Variants in NUP37 observed in about 807,000 individuals in gnomAD.
NUP37 encodes the protein nucleoporin 37.
NUP37 carries 33 observed loss-of-function variants against 45.4 expected under a neutral mutation model. The observed-to-expected ratio is 0.73, with a 90% CI of 0.55 to 0.97. The LOEUF (loss-of-function observed/expected upper bound fraction) is 0.97. Ranked by LOEUF, NUP37 falls within the 50% of genes least tolerant of loss-of-function variation. The pLI is 0.00. For missense variants in NUP37, 365 were observed against 389.7 expected (o/e 0.94, Z 0.53); for synonymous variants, 127 against 130.7 (o/e 0.97, Z 0.19).
At position 102,118,498 on chromosome 12, in the gene NUP37, T is replaced by G; in HGVS notation, c.21A>C (p.Arg7Ser). 1 of 1,609,366 alleles carries G rather than the reference T, an allele frequency of 6.2e-7. No homozygotes were observed. The highest frequency in any genetic ancestry group is 8.5e-7 in the Non-Finnish European group (1 of 1,178,978). ...CACAATCCACAGTGTAGGCAGCATT[T>G]CTTGAGGCATCTTGCTTCATCTTGT... MKQDAS[R>S]NAAYTVDCED... Residue 7 changes from arginine to serine, a missense_variant, in exon 2 of 10, where the codon AGA (arginine) becomes AGC (serine). Coordinates refer to ENST00000552283, the MANE Select transcript of NUP37 (RefSeq NM_024057.4).
chr12:102,093,262 G>T (rs543564973), intron 5 of NUP37, among the ~76,000 whole-genome samples: 1 of 152,026 alleles, frequency 6.6e-6, no homozygotes, highest in South Asian at 2.1e-4. Context: ...GAAGCTTTGG[G>T]GAGGATAAAA....
chr12:102,089,291 G>A (rs547002474), intron 5 of NUP37, among the ~76,000 whole-genome samples: 33 of 152,212 alleles, frequency 2.2e-4, no homozygotes, highest in Admixed American at 1.9e-3. Flanking sequence ...ACAGTGGCCA[G>A]GCAGAGGCGC....
intron 8 of NUP37, among the ~76,000 whole-genome samples, chr12:102,076,432 C>G (rs889351767): frequency 6.6e-6 from 1 of 152,166 alleles, no homozygotes; most frequent in Non-Finnish European, 1.5e-5. Flanking sequence ...GATATACTAT[C>G]TAGCATAGTT....
chr12:102,080,420 C>G (rs1256477250), intron 6 of NUP37, among the ~76,000 whole-genome samples: 2 of 151,940 alleles, frequency 1.3e-5, no homozygotes, highest in Non-Finnish European at 2.9e-5. Flanking sequence ...GACCCTGCCT[C>G]AAAAACAAAA....
intron 2 of NUP37, among the ~76,000 whole-genome samples, chr12:102,113,951 C>T (rs1401803264): frequency 1.3e-5 from 2 of 152,052 alleles, no homozygotes; most frequent in African/African-American, 2.4e-5. Context: ...ATTCAGATAC[C>T]CTTTGAAAAT....
Position 102,076,711 on chromosome 12 carries a change from A to G in NUP37, c.773+86T>C, listed in dbSNP as rs888767257. 63 of 1,111,030 alleles carry G rather than the reference A, an allele frequency of 5.7e-5. No individual in the cohort carries two copies. In the African/African-American group the frequency reaches 8.4e-4, roughly 15 times the overall value. 68.8% of individuals were successfully genotyped at this position (1,111,030 alleles called of 1,614,324 possible). On this transcript the variant is annotated intron_variant, in intron 8 of 9. Coordinates refer to ENST00000552283, the MANE Select transcript of NUP37 (RefSeq NM_024057.4). ...ATAAGGGAAAAAAAAAATCCAGTGCAAAGAAGAGAACTACAAAAGTATCCC... is the reference window on the plus strand; with the variant it reads ...ATAAGGGAAAAAAAAAATCCAGTGCGAAGAAGAGAACTACAAAAGTATCCC...
At chr12:102,102,018 C>T (rs1879986250) in intron 3 of NUP37, among the ~76,000 whole-genome samples, 1 of 152,198 alleles carries the variant, frequency 6.6e-6, no homozygotes, top group South Asian at 2.1e-4. Flanking sequence ...AGCCACTGCG[C>T]CTGGCCAACA....
At chr12:102,091,542 A>G (rs1033618063) in intron 5 of NUP37, among the ~76,000 whole-genome samples, 2 of 152,130 alleles carry the variant, frequency 1.3e-5, no homozygotes, top group Admixed American at 1.3e-4. Context: ...TATCAGGTTT[A>G]ATTACCTTGG....
At chr12:102,115,337 T>C (rs1195786131) in intron 2 of NUP37, among the ~76,000 whole-genome samples, 1 of 152,202 alleles carries the variant, frequency 6.6e-6, no homozygotes, top group Non-Finnish European at 1.5e-5. Flanking sequence ...GCTAGTTCTA[T>C]TTGATATGTG....
intron 5 of NUP37, among the ~76,000 whole-genome samples, chr12:102,089,797 G>A (rs1242445432): frequency 6.6e-6 from 1 of 152,166 alleles, no homozygotes; most frequent in Non-Finnish European, 1.5e-5. Context: ...TTTTCTTAAT[G>A]CCTTATACGG....
intron 3 of NUP37, among the ~76,000 whole-genome samples, chr12:102,106,087 T>C (rs560196093): frequency 1.1e-4 from 17 of 152,082 alleles, no homozygotes; most frequent in Non-Finnish European, 2.5e-4. Flanking sequence ...ATTGAAGTGA[T>C]GCATCAACAA....
At chr12:102,074,978 G>T in intron 9 of NUP37, 23 bp downstream of exon 9, 19 of 1,371,586 alleles carry the variant, frequency 1.4e-5, no homozygotes, top group Non-Finnish European at 1.8e-5. Flanking sequence ...AAGCACGTAT[G>T]TTACAAAACA....
intron 4 of NUP37, among the ~76,000 whole-genome samples, chr12:102,100,751 T>C (rs1045762725): frequency 2.6e-5 from 4 of 152,194 alleles, no homozygotes; most frequent in African/African-American, 9.7e-5. Flanking sequence ...TCCTACTATA[T>C]CCAACTGTAA....
intron 5 of NUP37, among the ~76,000 whole-genome samples, chr12:102,098,334 T>C (rs969615556): frequency 1.2e-4 from 19 of 152,246 alleles, no homozygotes; most frequent in African/African-American, 3.9e-4. Context: ...TTAAATGTAT[T>C]GTATCTAAAG....
rs1260754195 is a variant in NUP37 at position 102,114,440 on chromosome 12, G to A, written c.157-2208C>T. Among the ~76,000 whole-genome samples, 3 of 152,274 alleles carry A rather than the reference G, an allele frequency of 2.0e-5. No individual in the cohort carries two copies. The East Asian group carries it at 5.8e-4, about 29-fold the overall frequency. Reference sequence around the variant, plus strand: ...TGTTTGCCACTGAGCCAACTAAAAGGCCCGTGTGTGTGTGTGGTATAGGCA... The same window carrying A: ...TGTTTGCCACTGAGCCAACTAAAAGACCCGTGTGTGTGTGTGGTATAGGCA... On this transcript the variant is annotated intron_variant, in intron 2 of 9. Coordinates refer to ENST00000552283, the MANE Select transcript of NUP37 (RefSeq NM_024057.4).
chr12:102,101,051 T>A lies in NUP37; in HGVS notation c.335A>T (p.Gln112Leu). Residue 112 changes from glutamine (Q) to leucine (L), a missense_variant, in exon 4 of 10, where the codon CAG becomes CTG. Transcript: ENST00000552283. ...MKIRLFTSDL[Q>L]DKNEYKVLEG... ...ACATACCTTATATTCATTTTTATCC[T>A]GAAGATCTGAAGTAAATAATCTAAT... The A allele has an allele frequency of 6.4e-7, 1 of 1,551,388 alleles. No homozygotes were observed. The highest frequency in any genetic ancestry group is 8.8e-7 in the Non-Finnish European group (1 of 1,140,340).
At chr12:102,089,563 C>T (rs1402343104) in intron 5 of NUP37, among the ~76,000 whole-genome samples, 55 of 141,906 alleles carry the variant, frequency 3.9e-4, no homozygotes, top group African/African-American at 6.9e-4. Context: ...ACTTCCTAGA[C>T]GGGGCAGCCG....
At chr12:102,094,034 T>A (rs1332959346) in intron 5 of NUP37, among the ~76,000 whole-genome samples, 1 of 152,142 alleles carries the variant, frequency 6.6e-6, no homozygotes, top group African/African-American at 2.4e-5. Context: ...CAGTCTTTCA[T>A]TAACACCCTA....
chr12:102,108,501 T>G (rs1880221582), intron 3 of NUP37, among the ~76,000 whole-genome samples: 1 of 152,200 alleles, frequency 6.6e-6, no homozygotes, highest in Non-Finnish European at 1.5e-5. Context: ...CGCCTTATTG[T>G]GGGACTTCAT....
Sources: allele counts gnomAD v4.1 joint callset (sites outside exome capture counted in the v4.1 genomes callset), GRCh38; gene constraint gnomAD v4.1.1; transcripts MANE v1.5; gene names NCBI Gene and HGNC (gene_info 2026-07-23, HGNC 2026-07-21).